GABRG3: variants seen among roughly 807,000 people sequenced by gnomAD.
The protein encoded by GABRG3 is gamma-aminobutyric acid type A receptor subunit gamma3.
GABRG3 carries 25 observed loss-of-function variants against 48.8 expected under a neutral mutation model. The observed-to-expected ratio is 0.51, with a 90% CI of 0.37 to 0.72. GABRG3 has a LOEUF of 0.72. Among genes scored for constraint, GABRG3 ranks in the 30% least tolerant of loss-of-function variants. GABRG3 has a pLI of 0.00. For synonymous variants in GABRG3, 227 were observed against 217.6 expected (o/e 1.04, Z -0.38); for missense variants, 394 against 577.9 (o/e 0.68, Z 3.26).
chr15:27,029,973 A>T (rs1896055122), intron 3 of GABRG3, among the ~76,000 whole-genome samples: 1 of 152,262 alleles, frequency 6.6e-6, no homozygotes, highest in African/African-American at 2.4e-5. Context: ...ACGCAATTTT[A>T]AAAGAAGTAA....
intron 3 of GABRG3, among the ~76,000 whole-genome samples, chr15:27,250,441 C>CT (rs982354274): frequency 3.9e-4 from 59 of 152,044 alleles, no homozygotes; most frequent in African/African-American, 1.3e-3. Flanking sequence ...GGAAGCGCTG[C>CT]TTTTTTTTGA....
chr15:27,160,015 G>A (rs1887116429), intron 3 of GABRG3, among the ~76,000 whole-genome samples: 1 of 152,090 alleles, frequency 6.6e-6, no homozygotes, highest in Non-Finnish European at 1.5e-5. Flanking sequence ...CCACAGGGCT[G>A]CCTGCCACAG....
intron 5 of GABRG3, among the ~76,000 whole-genome samples, chr15:27,448,240 A>G (rs1437913088): frequency 6.6e-6 from 1 of 152,210 alleles, no homozygotes; most frequent in Non-Finnish European, 1.5e-5. Context: ...TATAAAGAGA[A>G]CAAACTTGGT....
chr15:27,170,686 C>G (rs887780628), intron 3 of GABRG3, among the ~76,000 whole-genome samples: 1 of 152,206 alleles, frequency 6.6e-6, no homozygotes, highest in Non-Finnish European at 1.5e-5. Flanking sequence ...GGTATCAGTG[C>G]TCTCAATTAT....
At chr15:27,299,104 T>G (rs1351021032) in intron 3 of GABRG3, among the ~76,000 whole-genome samples, 1 of 152,058 alleles carries the variant, frequency 6.6e-6, no homozygotes, top group African/African-American at 2.4e-5. Flanking sequence ...TTCAACATGG[T>G]GAAACCCCTT....
chr15:27,133,467 G>T lies in GABRG3; in HGVS notation c.270+106646G>T, dbSNP rs556086386. Among the ~76,000 whole-genome samples, 299 of 152,284 alleles carry T rather than the reference G, an allele frequency of 2.0e-3. 1 individual carries two copies. Among genetic ancestry groups the T allele is most frequent in the African/African-American group, 7.1e-3 (294 of 41,558 alleles). ...TCCTGTAGCCATTGCCCAAGGCGCTGGTGAGGCAGCCTGTGGATTACTTAT... is the reference window on the plus strand; with the variant it reads ...TCCTGTAGCCATTGCCCAAGGCGCTTGTGAGGCAGCCTGTGGATTACTTAT... On this transcript the variant is annotated intron_variant, in intron 3 of 9. Coordinates refer to ENST00000615808, the MANE Select transcript of GABRG3 (RefSeq NM_033223.5).
At chr15:27,453,928 C>G (rs1889185634) in intron 5 of GABRG3, among the ~76,000 whole-genome samples, 1 of 152,146 alleles carries the variant, frequency 6.6e-6, no homozygotes, top group Non-Finnish European at 1.5e-5. Context: ...CTCTCCATTC[C>G]CTTGTCCAGC....
intron 5 of GABRG3, among the ~76,000 whole-genome samples, chr15:27,390,860 G>A (rs528257401): frequency 1.0e-3 from 153 of 152,240 alleles, no homozygotes; most frequent in Middle Eastern, 6.8e-3. Context: ...AGGACGTGGC[G>A]GGTGGATCAC....
At chr15:27,046,842 G>A (rs1896374121) in intron 3 of GABRG3, among the ~76,000 whole-genome samples, 1 of 152,124 alleles carries the variant, frequency 6.6e-6, no homozygotes. Flanking sequence ...ATATAATCAG[G>A]CACATCTGTG....
At chr15:27,005,993 G>A (rs1895576934) in intron 2 of GABRG3, among the ~76,000 whole-genome samples, 1 of 152,160 alleles carries the variant, frequency 6.6e-6, no homozygotes, top group Admixed American at 6.5e-5. Context: ...CCTTTTACCA[G>A]TTCTAGGCAA....
At chr15:27,525,582 C>G (rs1475282139) in intron 7 of GABRG3, among the ~76,000 whole-genome samples, 1 of 152,186 alleles carries the variant, frequency 6.6e-6, no homozygotes, top group East Asian at 1.9e-4. Context: ...ATCTGGAATA[C>G]AGGCCACTCA....
chr15:27,085,890 T>C (rs1188480412), intron 3 of GABRG3, among the ~76,000 whole-genome samples: 1 of 152,226 alleles, frequency 6.6e-6, no homozygotes, highest in Non-Finnish European at 1.5e-5. Context: ...CTATGCTCTT[T>C]GGATATATCC....
chr15:27,431,823 A>G (rs1041005956), intron 5 of GABRG3, among the ~76,000 whole-genome samples: 1 of 152,178 alleles, frequency 6.6e-6, no homozygotes, highest in Admixed American at 6.5e-5. Context: ...GCTGATTTTC[A>G]TATATTAAAC....
intron 5 of GABRG3, among the ~76,000 whole-genome samples, chr15:27,335,079 C>T (rs1893920123): frequency 6.8e-6 from 1 of 148,130 alleles, no homozygotes; most frequent in South Asian, 2.2e-4. Flanking sequence ...ATATGCAATA[C>T]TGTGATTTGT....
chr15:27,534,459 A>G lies in GABRG3; in HGVS notation c.*1578A>G, dbSNP rs1482590404. On this transcript the variant is annotated 3_prime_UTR_variant, in exon 10 of 10. Transcript: ENST00000615808. ...GAAACTTCTCCTCACCAATAGGCAA[A>G]ACACAAGTCCTACCAGTTAGTTAAT... 6.6e-6 allele frequency: 1 copy of G among 152,226 alleles called. No homozygotes were observed. The highest frequency in any genetic ancestry group is 1.5e-5 in the Non-Finnish European group (1 of 68,050). The allele number at this position is 152,226 out of a possible 1,614,324, so 9.4% of individuals were successfully genotyped here.
At chr15:27,437,925 C>G (rs1390032980) in intron 5 of GABRG3, among the ~76,000 whole-genome samples, 1 of 152,110 alleles carries the variant, frequency 6.6e-6, no homozygotes, top group Admixed American at 6.5e-5. Flanking sequence ...GTTCCAGGCT[C>G]TTTAAACAAC....
chr15:27,214,213 A>T (rs1025841503), intron 3 of GABRG3, among the ~76,000 whole-genome samples: 1 of 152,220 alleles, frequency 6.6e-6, no homozygotes, highest in African/African-American at 2.4e-5. Context: ...GTTGCCAGTT[A>T]TCTAGTAATG....
At chr15:27,348,012 A>G (rs898413761) in intron 5 of GABRG3, among the ~76,000 whole-genome samples, 12 of 151,892 alleles carry the variant, frequency 7.9e-5, no homozygotes, top group African/African-American at 2.9e-4. Flanking sequence ...TTTTCATATT[A>G]GATTTGATAC....
At chr15:27,368,128 GTTTCT>G (rs1184445002) in intron 5 of GABRG3, among the ~76,000 whole-genome samples, 1 of 152,182 alleles carries the variant, frequency 6.6e-6, no homozygotes, top group Non-Finnish European at 1.5e-5. Flanking sequence ...GAGAAGGGCT[GTTTCT>G]TTTCTTCATT....
Sources: gnomAD v4.1 joint callset for allele counts (sites outside exome capture counted in the v4.1 genomes callset) on GRCh38, gnomAD v4.1.1 for gene constraint, MANE v1.5 for transcripts, NCBI Gene and HGNC (gene_info 2026-07-23, HGNC 2026-07-21) for gene names.